CALCR: variants seen among roughly 807,000 people sequenced by gnomAD.
The protein encoded by CALCR is calcitonin receptor.
CALCR carries 47 observed loss-of-function variants against 59.5 expected under a neutral mutation model. The ratio of observed to expected loss-of-function variants is 0.79; its 90% CI spans 0.63 to 1.01. The LOEUF (loss-of-function observed/expected upper bound fraction) is 1.01, where lower values mean the gene tolerates loss of function less well. Among genes scored for constraint, CALCR ranks in the 50% least tolerant of loss-of-function variants. The pLI is 0.00. For missense variants in CALCR, 566 were observed against 597.1 expected (o/e 0.95, Z 0.54); for synonymous variants, 213 against 211.3 (o/e 1.01, Z -0.07).
chr7:93,562,438 CA>C (rs869290213), intron 2 of CALCR, among the ~76,000 whole-genome samples: 3 of 148,324 alleles, frequency 2.0e-5, no homozygotes, highest in Admixed American at 6.7e-5. Context: ...ACAACAACAA[CA>C]AAAAACAATG....
At chr7:93,539,720 G>A (rs1789081693) in intron 2 of CALCR, among the ~76,000 whole-genome samples, 1 of 152,110 alleles carries the variant, frequency 6.6e-6, no homozygotes. Context: ...TTGCTGAATG[G>A]GGAAAGGCAG....
At chr7:93,573,344 C>T (rs1393852769) in intron 2 of CALCR, among the ~76,000 whole-genome samples, 1 of 152,200 alleles carries the variant, frequency 6.6e-6, no homozygotes, top group African/African-American at 2.4e-5. Flanking sequence ...TTAAGAACTA[C>T]ATTGTAAAAC....
intron 2 of CALCR, among the ~76,000 whole-genome samples, chr7:93,547,887 G>C (rs1789334295): frequency 6.6e-6 from 1 of 152,068 alleles, no homozygotes; most frequent in Non-Finnish European, 1.5e-5. Flanking sequence ...CCTAAAAAAG[G>C]AGCTTATGGG....
chr7:93,458,475 TTCCA>T (rs1800251936), intron 8 of CALCR, among the ~76,000 whole-genome samples: 1 of 152,266 alleles, frequency 6.6e-6, no homozygotes, highest in South Asian at 2.1e-4. Flanking sequence ...CAGATGCACT[TTCCA>T]TCCTGCTCCC....
intron 2 of CALCR, among the ~76,000 whole-genome samples, chr7:93,567,716 A>G (rs1028267910): frequency 1.3e-5 from 2 of 151,436 alleles, no homozygotes; most frequent in Admixed American, 1.3e-4. Context: ...CTGCCCCCCA[A>G]CAGGCCCCAG....
chr7:93,449,669 C>T (rs1169187428), intron 8 of CALCR, among the ~76,000 whole-genome samples: 1 of 151,916 alleles, frequency 6.6e-6, no homozygotes, highest in African/African-American at 2.4e-5. Flanking sequence ...ATCAAGTATC[C>T]AAACAAGAGC....
At chr7:93,439,034 A>G (rs1799844180) in intron 9 of CALCR, among the ~76,000 whole-genome samples, 1 of 152,204 alleles carries the variant, frequency 6.6e-6, no homozygotes, top group Admixed American at 6.5e-5. Flanking sequence ...TTCATTAAAA[A>G]AGAAAAAATA....
intron 2 of CALCR, among the ~76,000 whole-genome samples, chr7:93,539,707 T>C (rs1261741312): frequency 6.6e-6 from 1 of 152,020 alleles, no homozygotes; most frequent in Non-Finnish European, 1.5e-5. Context: ...ATGTAAAAGG[T>C]GGTTGCTGAA....
At chr7:93,512,822 A>T (rs1378480405) in intron 2 of CALCR, among the ~76,000 whole-genome samples, 1 of 152,106 alleles carries the variant, frequency 6.6e-6, no homozygotes, top group African/African-American at 2.4e-5. Context: ...TTCCAAGGAA[A>T]ATTTTATGGT....
chr7:93,468,287 T>C (rs533454834), intron 7 of CALCR, among the ~76,000 whole-genome samples: 3 of 151,922 alleles, frequency 2.0e-5, no homozygotes, highest in Admixed American at 6.6e-5. Flanking sequence ...TAGTCTTACA[T>C]ATGCTAGCAA....
At chr7:93,558,466 A>G (rs1300385416) in intron 2 of CALCR, among the ~76,000 whole-genome samples, 1 of 152,124 alleles carries the variant, frequency 6.6e-6, no homozygotes, top group Non-Finnish European at 1.5e-5. Flanking sequence ...AGTTAGAAGA[A>G]TGCCATTTGA....
At chr7:93,460,025 T>C (rs1466440158) in intron 8 of CALCR, among the ~76,000 whole-genome samples, 2 of 152,130 alleles carry the variant, frequency 1.3e-5, no homozygotes, top group Non-Finnish European at 2.9e-5. Flanking sequence ...AACATGATCA[T>C]ATTTATATGG....
At chr7:93,540,494 GTTTC>G (rs994838264) in intron 2 of CALCR, among the ~76,000 whole-genome samples, 1 of 151,874 alleles carries the variant, frequency 6.6e-6, no homozygotes, top group Non-Finnish European at 1.5e-5. Flanking sequence ...AACTCCCTGT[GTTTC>G]TTTATTTGCA....
At position 93,455,235 on chromosome 7, in the gene CALCR, T is replaced by C. The variant is rs145234923; in HGVS notation, c.648+5586A>G. The stretch of plus-strand genomic sequence containing the variant: ...AAAAATTATGTATTGTGGGTTTTTT[T>C]TGAAGAAAACATATGCCCGAATTAC... On this transcript the variant is annotated intron_variant, in intron 8 of 13. Coordinates refer to ENST00000426151, the MANE Select transcript of CALCR (RefSeq NM_001742.4). 4.0e-3 allele frequency among the ~76,000 whole-genome samples: 614 copies of C among 152,116 alleles called. 2 individuals carry two copies. The highest frequency in any genetic ancestry group is 6.9e-3 in the African/African-American group (285 of 41,512).
chr7:93,568,407 AT>A (rs1330329714), intron 2 of CALCR, among the ~76,000 whole-genome samples: 1 of 152,050 alleles, frequency 6.6e-6, no homozygotes, highest in African/African-American at 2.4e-5. Flanking sequence ...ATTGCTCTCA[AT>A]TAAATGCAAT....
chr7:93,432,694 G>A (rs1199586009), intron 13 of CALCR, among the ~76,000 whole-genome samples: 1 of 152,030 alleles, frequency 6.6e-6, no homozygotes. Flanking sequence ...GTATTTTTAC[G>A]AATGCATGCA....
At chr7:93,427,593 G>A (rs1799557662) in intron 13 of CALCR, among the ~76,000 whole-genome samples, 1 of 152,096 alleles carries the variant, frequency 6.6e-6, no homozygotes, top group Non-Finnish European at 1.5e-5. Flanking sequence ...AATATATAAT[G>A]TGAACTAAAT....
chr7:93,505,958 C>T (rs1209251911), intron 2 of CALCR, among the ~76,000 whole-genome samples: 1 of 152,126 alleles, frequency 6.6e-6, no homozygotes, highest in African/African-American at 2.4e-5. Flanking sequence ...AACATCACAC[C>T]TGGTCCAACC....
intron 2 of CALCR, among the ~76,000 whole-genome samples, chr7:93,508,958 T>C (rs1801485946): frequency 6.6e-6 from 1 of 152,158 alleles, no homozygotes; most frequent in Non-Finnish European, 1.5e-5. Flanking sequence ...TGGGTTTCTC[T>C]TTCCTACTCC....
Sources: gnomAD v4.1 joint callset for allele counts (sites outside exome capture counted in the v4.1 genomes callset) on GRCh38, gnomAD v4.1.1 for gene constraint, MANE v1.5 for transcripts, NCBI Gene and HGNC (gene_info 2026-07-23, HGNC 2026-07-21) for gene names.